Variants in BBS9 observed in about 807,000 individuals in gnomAD.
BBS9 encodes protein PTHB1.
In BBS9, 89 loss-of-function variants were observed where a neutral mutation model predicts 117.7. The ratio of observed to expected loss-of-function variants is 0.76; its 90% confidence interval spans 0.64 to 0.90. The LOEUF is 0.90. BBS9 is among the 40% of genes least tolerant of loss of function. The pLI is 0.00. For synonymous variants in BBS9, 379 were observed against 370.9 expected (o/e 1.02, Z -0.25); for missense variants, 982 against 1,042.2 (o/e 0.94, Z 0.80).
At chr7:33,579,287 G>A (rs1458826959) in intron 21 of BBS9, among the ~76,000 whole-genome samples, 1 of 152,148 alleles carries the variant, frequency 6.6e-6, no homozygotes, top group African/African-American at 2.4e-5. Context: ...AGCCAGTACA[G>A]AAGACCCTAT....
chr7:33,358,054 A>G, intron 16 of BBS9, 59 bp downstream of exon 16: 5 of 1,556,296 alleles, frequency 3.2e-6, no homozygotes, highest in Non-Finnish European at 4.4e-6. Context: ...TTAGAATGGA[A>G]TCCTTCATCA....
intron 21 of BBS9, among the ~76,000 whole-genome samples, chr7:33,634,704 G>C (rs1278488566): frequency 6.6e-6 from 1 of 152,172 alleles, no homozygotes; most frequent in African/African-American, 2.4e-5. Context: ...AGCCCTGCTG[G>C]GGAGCCCCTG....
At chr7:33,485,501 G>A (rs1316605616) in intron 19 of BBS9, among the ~76,000 whole-genome samples, 1 of 151,850 alleles carries the variant, frequency 6.6e-6, no homozygotes, top group Non-Finnish European at 1.5e-5. Flanking sequence ...AGTAGAGATG[G>A]GGTTTCACCG....
At chr7:33,336,871 G>A (rs1815488521) in intron 10 of BBS9, among the ~76,000 whole-genome samples, 1 of 152,092 alleles carries the variant, frequency 6.6e-6, no homozygotes, top group Non-Finnish European at 1.5e-5. Flanking sequence ...GCACTATCTA[G>A]TTTTTTTCTT....
At position 33,142,920 on chromosome 7, in the gene BBS9, T is replaced by C. The variant is rs185247840; in HGVS notation, c.-11-3322T>C. Among the ~76,000 whole-genome samples, 139 of 152,328 alleles carry C rather than the reference T, an allele frequency of 9.1e-4. 2 individuals carry two copies. The East Asian group carries it at 0.019, about 21-fold the overall frequency. ...ATATCTCTCTGAGATTGTCTTTAATTCTTTTGGATATCCACCAAGAAGTGG... is the reference window on the plus strand; with the variant it reads ...ATATCTCTCTGAGATTGTCTTTAATCCTTTTGGATATCCACCAAGAAGTGG... On this transcript the variant is annotated intron_variant, in intron 1 of 22. Coordinates refer to ENST00000242067, the MANE Select transcript of BBS9 (RefSeq NM_198428.3).
intron 20 of BBS9, among the ~76,000 whole-genome samples, chr7:33,529,072 G>A (rs1278125934): frequency 6.6e-6 from 1 of 152,188 alleles, no homozygotes; most frequent in Non-Finnish European, 1.5e-5. Context: ...TAGCTCAGCT[G>A]AATTCAGTCA....
downstream of BBS9, among the ~76,000 whole-genome samples, chr7:33,608,041 G>C (rs1864675227): frequency 1.3e-5 from 2 of 151,616 alleles, no homozygotes; most frequent in African/African-American, 4.8e-5. Context: ...TTTAACCTTT[G>C]GCCCCTCTCC....
At chr7:33,130,269 G>C (rs766880436) in intron 1 of BBS9, among the ~76,000 whole-genome samples, 46 of 152,158 alleles carry the variant, frequency 3.0e-4, no homozygotes, top group Non-Finnish European at 5.3e-4. Flanking sequence ...TTCCATTGAG[G>C]AATGTCACTT....
chr7:33,276,682 G>C (rs1302688024), intron 9 of BBS9, among the ~76,000 whole-genome samples: 2 of 152,206 alleles, frequency 1.3e-5, no homozygotes, highest in African/African-American at 2.4e-5. Context: ...ACTAGCAAGA[G>C]CATCTGCAGC....
rs566258400 is a variant in BBS9 at position 33,315,196 on chromosome 7, C to A, written c.1017-21245C>A. On this transcript the variant is annotated intron_variant, in intron 9 of 22. Transcript: ENST00000242067. ...ACAGACTCCAAAATCAAGGTGTCAA[C>A]AGGGCTGGTTTCCTCTGAAGGCTGT... Among the ~76,000 whole-genome samples the A allele has an allele frequency of 2.0e-5, 3 of 152,268 alleles. No individual in the cohort carries two copies. In the East Asian group the frequency reaches 5.8e-4, roughly 29 times the overall value.
intron 21 of BBS9, among the ~76,000 whole-genome samples, chr7:33,574,067 T>G (rs887794912): frequency 2.0e-5 from 3 of 152,180 alleles, no homozygotes; most frequent in Non-Finnish European, 4.4e-5. Context: ...CAGGCTTACC[T>G]GATATCACAT....
intron 1 of BBS9, among the ~76,000 whole-genome samples, chr7:33,144,619 G>A (rs1352563763): frequency 6.6e-6 from 1 of 152,148 alleles, no homozygotes; most frequent in Non-Finnish European, 1.5e-5. Flanking sequence ...TTTTTGGAGG[G>A]GGATGTGGTG....
chr7:33,165,327 G>A (rs1795501246), intron 4 of BBS9, among the ~76,000 whole-genome samples: 1 of 152,108 alleles, frequency 6.6e-6, no homozygotes, highest in Non-Finnish European at 1.5e-5. Flanking sequence ...TCTTCTTGAG[G>A]AGTGTCTTTG....
intron 4 of BBS9, among the ~76,000 whole-genome samples, chr7:33,163,961 G>T (rs1795263940): frequency 6.6e-6 from 1 of 152,008 alleles, no homozygotes. Flanking sequence ...TTCTCTTGTG[G>T]GCTTTTAGTG....
At chr7:33,450,237 C>CAT (rs1837600423) in intron 19 of BBS9, among the ~76,000 whole-genome samples, 1 of 152,194 alleles carries the variant, frequency 6.6e-6, no homozygotes, top group Non-Finnish European at 1.5e-5. Flanking sequence ...GAATGATATT[C>CAT]ATATATATGC....
chr7:33,372,252 A>G (rs942981315), intron 17 of BBS9, among the ~76,000 whole-genome samples: 6 of 152,192 alleles, frequency 3.9e-5, no homozygotes, highest in Non-Finnish European at 8.8e-5. Context: ...CAATGGGGAC[A>G]AAGATTTCAA....
intron 17 of BBS9, among the ~76,000 whole-genome samples, chr7:33,370,133 C>T (rs1009380281): frequency 1.3e-5 from 2 of 151,948 alleles, no homozygotes; most frequent in African/African-American, 4.8e-5. Context: ...ACCAAATTCC[C>T]TGGGGAACTG....
At chr7:33,138,934 G>T (rs1791012584) in intron 1 of BBS9, among the ~76,000 whole-genome samples, 1 of 151,172 alleles carries the variant, frequency 6.6e-6, no homozygotes, top group South Asian at 2.1e-4. Flanking sequence ...AGTACAAGTA[G>T]ATTTCTAATT....
intron 19 of BBS9, among the ~76,000 whole-genome samples, chr7:33,423,523 T>A (rs1833184443): frequency 6.6e-6 from 1 of 151,526 alleles, no homozygotes; most frequent in Non-Finnish European, 1.5e-5. Context: ...GCCTTTCATA[T>A]GATGTGTGAA....
Sources: allele counts gnomAD v4.1 joint callset (sites outside exome capture counted in the v4.1 genomes callset), GRCh38; gene constraint gnomAD v4.1.1; transcripts MANE v1.5; gene names NCBI Gene and HGNC (gene_info 2026-07-23, HGNC 2026-07-21).